TMPRSS9: variants seen among roughly 807,000 people sequenced by gnomAD.
The protein encoded by TMPRSS9 is transmembrane protease serine 9.
In TMPRSS9, 113 loss-of-function variants were observed where a neutral mutation model predicts 111.4. The observed-to-expected ratio is 1.01, with a 90% CI of 0.87 to 1.19. The LOEUF (loss-of-function observed/expected upper bound fraction) is 1.19, where lower values mean the gene tolerates loss of function less well. Ranked by LOEUF, TMPRSS9 falls within the 50% of genes most tolerant of loss-of-function variation. The probability of loss-of-function intolerance (pLI) is 0.00; values close to 1 mark genes in which losing one functional copy is unlikely to be tolerated. For synonymous variants in TMPRSS9, 805 were observed against 659.1 expected, an observed-to-expected ratio of 1.22 and a Z score of -3.39; for missense variants, 1,803 against 1,513.1, an observed-to-expected ratio of 1.19 and a Z score of -3.18.
At chr19:2,391,047 G>A (rs1386582236) in intron 1 of TMPRSS9, among the ~76,000 whole-genome samples, 1 of 148,990 alleles carries the variant, frequency 6.7e-6, no homozygotes, top group African/African-American at 2.5e-5. Context: ...GAGGGAGGGA[G>A]GGAGGGAGGC....
At chr19:2,403,599 G>A (rs1970903054) in intron 6 of TMPRSS9, among the ~76,000 whole-genome samples, 1 of 151,898 alleles carries the variant, frequency 6.6e-6, no homozygotes, top group South Asian at 2.1e-4. Flanking sequence ...GCTCACACCT[G>A]TCATCCCAGC....
chr19:2,363,519 G>A (rs1191235408), intron 1 of TMPRSS9, among the ~76,000 whole-genome samples: 1 of 151,724 alleles, frequency 6.6e-6, no homozygotes, highest in Non-Finnish European at 1.5e-5. Flanking sequence ...GGGGGGGTGG[G>A]GGGACAGGCG....
rs569699255 is a variant in TMPRSS9, at chr19:2,422,359, C to G, written c.2548+112C>G. The G allele has an allele frequency of 7.2e-4, 947 of 1,310,768 alleles. 1 individual carries two copies. Among genetic ancestry groups the G allele is most frequent in the Non-Finnish European group, 9.0e-4 (891 of 993,244 alleles). 81.2% of individuals were successfully genotyped at this position (1,310,768 alleles called of 1,614,324 possible). A position where few individuals can be genotyped will look rare whatever the true frequency, so the allele number is the denominator to read the frequency against. ...CTTTGGGAGGCCGAGGCGGGCGGAT[C>G]AAGAGGTCAGGAGATCGAGACCATC... is the stretch of plus-strand genomic sequence containing the variant. On this transcript the variant is annotated intron_variant, in intron 14 of 17. Coordinates refer to ENST00000648592, the Ensembl canonical transcript of TMPRSS9.
Position 2,418,422 on chromosome 19 carries a change from C to T in TMPRSS9, c.2154+284C>T, listed in dbSNP as rs1187236230. 8.4e-5 allele frequency among the ~76,000 whole-genome samples: 4 copies of T among 47,804 alleles called. 1 individual carries two copies. Among genetic ancestry groups the T allele is most frequent in the Non-Finnish European group, 1.6e-4 (4 of 25,388 alleles). 31.4% of individuals were successfully genotyped at this position (47,804 alleles called of 152,430 possible). On this transcript the variant is annotated intron_variant, in intron 13 of 17. Coordinates refer to ENST00000648592, the Ensembl canonical transcript of TMPRSS9. Reference sequence around the variant, plus strand: ...GGCCTTTCCTTCCATTCCTTCCCTCCCTCCCTTTCCTTCCCTCCCTCCCCT... The same window carrying T: ...GGCCTTTCCTTCCATTCCTTCCCTCTCTCCCTTTCCTTCCCTCCCTCCCCT...
chr19:2,414,117 T>TTGAACAGGAA, intron 10 of TMPRSS9, 99 bp downstream of exon 11: 2 of 1,301,900 alleles, frequency 1.5e-6, no homozygotes, highest in Non-Finnish European at 2.1e-6. Flanking sequence ...TGGATCTTCC[T>TTGAACAGGAA]GTTCAAGGAA....
At chr19:2,413,907 A>C in exon 10 of TMPRSS9, 1 of 1,613,006 alleles carries the variant, frequency 6.2e-7, no homozygotes, top group Admixed American at 1.7e-5. Context: ...TGCCGCCCCC[A>C]GCACAGCCTG....
rs1971308449 is a variant in TMPRSS9 at position 2,418,282 on chromosome 19, CCTTTCCTCCTT to C, written c.2154+145_2154+155del. Reference sequence around the variant, plus strand: ...TCCCTCCTTGTCCTTCCCTCCTTTTCCTTTCCTCCTTTCCTTCCCTCCCTTTCCCTCCCTCC... The same window carrying C: ...TCCCTCCTTGTCCTTCCCTCCTTTTCTCCTTCCCTCCCTTTCCCTCCCTCC... On this transcript the variant is annotated intron_variant, in intron 13 of 17. Coordinates refer to ENST00000648592, the Ensembl canonical transcript of TMPRSS9. 1.4e-5 allele frequency: 11 copies of C among 805,102 alleles called. No individual in the cohort carries two copies. The Middle Eastern group carries it at 9.4e-4, about 69-fold the overall frequency. The allele number at this position is 805,102 out of a possible 1,614,324, so 49.9% of individuals were successfully genotyped here.
chr19:2,403,870 G>A (rs1970908040), intron 6 of TMPRSS9, among the ~76,000 whole-genome samples: 4 of 151,808 alleles, frequency 2.6e-5, no homozygotes, highest in Non-Finnish European at 4.4e-5. Context: ...GCGGGCGCCT[G>A]TAGTCCCAGC....
chr19:2,404,542 C>CAA (rs1022422326), intron 6 of TMPRSS9, among the ~76,000 whole-genome samples: 1 of 117,772 alleles, frequency 8.5e-6, no homozygotes, highest in Admixed American at 8.8e-5. Context: ...AACTCTGTCT[C>CAA]AAAAAAAAAA....
At chr19:2,408,496 C>A (rs774016929) in exon 8 of TMPRSS9, 2 of 1,613,964 alleles carry the variant, frequency 1.2e-6, no homozygotes, top group Non-Finnish European at 1.7e-6. Flanking sequence ...TTTGACGTGG[C>A]TGTGCTGGAG....
intron 1 of TMPRSS9, among the ~76,000 whole-genome samples, chr19:2,368,187 C>T (rs565678202): frequency 5.9e-5 from 9 of 152,212 alleles, no homozygotes; most frequent in South Asian, 2.1e-4. Flanking sequence ...CTGCACATGG[C>T]GGCTGCGTTT....
intron 2 of TMPRSS9, among the ~76,000 whole-genome samples, chr19:2,397,920 A>C (rs959860816): frequency 6.9e-6 from 1 of 144,488 alleles, no homozygotes; most frequent in African/African-American, 2.6e-5. Context: ...ACTCCATCTT[A>C]AAAAACAATT....
chr19:2,425,091 A>G (rs750620688), exon 16 of TMPRSS9: 4 of 1,582,052 alleles, frequency 2.5e-6, no homozygotes, highest in South Asian at 1.1e-5. Context: ...GCGCGCATCT[A>G]CAAGCACCCG....
At chr19:2,368,774 G>GTTTTTTTTTTTTTTTTTTTGTTT in intron 1 of TMPRSS9, among the ~76,000 whole-genome samples, 1 of 70,366 alleles carries the variant, frequency 1.4e-5, no homozygotes, top group Non-Finnish European at 2.6e-5. Context: ...GATAAACCCA[G>GTTTTTTTTTTTTTTTTTTTGTTT]TTTTTTTTTT....
At chr19:2,390,326 T>A (rs553054447) in intron 1 of TMPRSS9, among the ~76,000 whole-genome samples, 523 of 129,564 alleles carry the variant, frequency 4.0e-3, no homozygotes, top group Admixed American at 6.2e-3. Flanking sequence ...CACTGCAAGC[T>A]CCACCTCCCG....
At chr19:2,384,801 T>A (rs1262052830), upstream of TMPRSS9, among the ~76,000 whole-genome samples, 5 of 109,230 alleles carry the variant, frequency 4.6e-5, no homozygotes, top group Admixed American at 1.2e-4. Flanking sequence ...GGCGACAGAG[T>A]AAGGCTCCGT....
chr19:2,372,706 C>T (rs1403485745), intron 1 of TMPRSS9, among the ~76,000 whole-genome samples: 1 of 152,102 alleles, frequency 6.6e-6, no homozygotes, highest in Non-Finnish European at 1.5e-5. Context: ...TATTTTTGGT[C>T]TGTCCAGCAC....
intron 1 of TMPRSS9, among the ~76,000 whole-genome samples, chr19:2,374,567 C>T (rs1332919786): frequency 1.3e-5 from 2 of 151,302 alleles, no homozygotes; most frequent in African/African-American, 2.4e-5. Context: ...AGCGAGACTC[C>T]GTCTCAAAAA....
At chr19:2,384,597 C>A (rs1331349443) in intron 1 of TMPRSS9, among the ~76,000 whole-genome samples, 1 of 151,702 alleles carries the variant, frequency 6.6e-6, no homozygotes, top group African/African-American at 2.4e-5. Context: ...GGGAGGATCA[C>A]GAGGTCAGGA....
Sources: allele counts gnomAD v4.1 joint callset (sites outside exome capture counted in the v4.1 genomes callset), GRCh38; gene constraint gnomAD v4.1.1; transcripts MANE v1.5; gene names NCBI Gene and HGNC (gene_info 2026-07-23, HGNC 2026-07-21).